ESRRG: variants seen among roughly 807,000 people sequenced by gnomAD.
The protein encoded by ESRRG is estrogen related receptor gamma.
Under a neutral mutation model 44.0 loss-of-function variants are expected in ESRRG, and 13 were observed. That is an observed-to-expected ratio of 0.30 (90% CI 0.19 to 0.47). The LOEUF (loss-of-function observed/expected upper bound fraction) is 0.47, where lower values mean the gene tolerates loss of function less well. Among genes scored for constraint, ESRRG ranks in the 20% least tolerant of loss-of-function variants. The probability of loss-of-function intolerance (pLI) is 1.00; values close to 1 mark genes in which losing one functional copy is unlikely to be tolerated. For synonymous variants in ESRRG, 215 were observed against 214.6 expected (o/e 1.00, Z -0.02); for missense variants, 395 against 580.6 (o/e 0.68, Z 3.29).
At chr1:216,522,048 G>C (rs908387038) in intron 5 of ESRRG, among the ~76,000 whole-genome samples, 1 of 151,874 alleles carries the variant, frequency 6.6e-6, no homozygotes, top group African/African-American at 2.4e-5. Flanking sequence ...ACAACATTTC[G>C]CACATTTCTT....
intron 1 of ESRRG, among the ~76,000 whole-genome samples, chr1:217,046,937 A>G (rs1222994238): frequency 6.6e-6 from 1 of 152,160 alleles, no homozygotes; most frequent in African/African-American, 2.4e-5. Context: ...GAAAGAGACA[A>G]AATTATTCCT....
At chr1:217,051,933 A>G (rs1290182964) in intron 1 of ESRRG, among the ~76,000 whole-genome samples, 2 of 150,126 alleles carry the variant, frequency 1.3e-5, no homozygotes, top group African/African-American at 4.9e-5. Flanking sequence ...CCAGATAATT[A>G]TTTATTTATT....
intron 2 of ESRRG, among the ~76,000 whole-genome samples, chr1:216,805,732 TG>T (rs1305660689): frequency 6.6e-6 from 1 of 150,732 alleles, no homozygotes; most frequent in Non-Finnish European, 1.5e-5. Flanking sequence ...GTTTTGTAAT[TG>T]GAAAAAAAAA....
intron 1 of ESRRG, among the ~76,000 whole-genome samples, chr1:217,043,742 T>C (rs188661445): frequency 1.5e-4 from 23 of 152,274 alleles, no homozygotes; most frequent in Non-Finnish European, 2.8e-4. Context: ...TAATGTTCTT[T>C]ATATAGATTG....
intron 2 of ESRRG, among the ~76,000 whole-genome samples, chr1:216,729,114 CA>C (rs1292603187): frequency 6.6e-6 from 1 of 152,114 alleles, no homozygotes; most frequent in Non-Finnish European, 1.5e-5. Flanking sequence ...CCTCAGCTAC[CA>C]AATGGGAATA....
Position 216,966,614 on chromosome 1 carries a change from C to T in ESRRG, c.-105-26941G>A, listed in dbSNP as rs573581653. ...GGATGGCCTTCCTTCCATGCCTTTT[C>T]TTCCATGCCCTTCCCTCATCATGGT... On this transcript the variant is annotated intron_variant, in intron 1 of 7. Coordinates refer to the ESRRG transcript ENST00000359162. 1.0e-4 allele frequency among the ~76,000 whole-genome samples: 15 copies of T among 150,614 alleles called. No homozygotes were observed. In the South Asian group the frequency reaches 3.1e-3, roughly 31 times the overall value.
chr1:217,005,793 T>A (rs1275126393), intron 1 of ESRRG, among the ~76,000 whole-genome samples: 29 of 151,996 alleles, frequency 1.9e-4, no homozygotes, highest in Non-Finnish European at 3.0e-4. Context: ...CTTCTTTTTT[T>A]CTAAGCATTT....
chr1:216,949,309 T>C (rs1275588454), intron 1 of ESRRG, among the ~76,000 whole-genome samples: 2 of 152,204 alleles, frequency 1.3e-5, no homozygotes, highest in African/African-American at 2.4e-5. Context: ...TACTGCAAAA[T>C]AAGTGAAATA....
At chr1:216,900,616 T>C (rs1560037886) in intron 2 of ESRRG, among the ~76,000 whole-genome samples, 1 of 152,176 alleles carries the variant, frequency 6.6e-6, no homozygotes, top group Non-Finnish European at 1.5e-5. Flanking sequence ...CTCAAACTTT[T>C]ATATGAAGAG....
chr1:216,679,622 A>ATTTTTTTTTTTTTTTTT, intron 1 of ESRRG, among the ~76,000 whole-genome samples: 1 of 98,910 alleles, frequency 1.0e-5, no homozygotes. Flanking sequence ...TTAATTTGGA[A>ATTTTTTTTTTTTTTTTT]TTTTTTTTTT....
intron 2 of ESRRG, among the ~76,000 whole-genome samples, chr1:216,818,204 T>C (rs2095199676): frequency 1.3e-5 from 2 of 152,222 alleles, no homozygotes; most frequent in African/African-American, 4.8e-5. Flanking sequence ...TTGTCATTAT[T>C]GATGGGGGGA....
intron 2 of ESRRG, among the ~76,000 whole-genome samples, chr1:216,890,671 C>T (rs954631402): frequency 2.0e-5 from 3 of 152,154 alleles, no homozygotes; most frequent in East Asian, 1.9e-4. Flanking sequence ...ATTGCCCTCA[C>T]CCTGAAAGTG....
At chr1:216,654,757 G>T (rs2070005591) in intron 2 of ESRRG, among the ~76,000 whole-genome samples, 1 of 151,952 alleles carries the variant, frequency 6.6e-6, no homozygotes, top group South Asian at 2.1e-4. Flanking sequence ...GAGGAGTAAA[G>T]TGTGAATAAA....
chr1:216,666,237 C>T (rs1434863964), intron 2 of ESRRG, among the ~76,000 whole-genome samples: 1 of 152,130 alleles, frequency 6.6e-6, no homozygotes, highest in East Asian at 1.9e-4. Context: ...GACAACACAA[C>T]TCTCATCATT....
chr1:217,082,562 T>C (rs1440120918), intron 1 of ESRRG, among the ~76,000 whole-genome samples: 1 of 152,174 alleles, frequency 6.6e-6, no homozygotes, highest in Non-Finnish European at 1.5e-5. Flanking sequence ...AGGGGATACG[T>C]GCACACACTA....
At chr1:216,714,607 A>G in intron 1 of ESRRG, 4 of 959,780 alleles carry the variant, frequency 4.2e-6, no homozygotes, top group Non-Finnish European at 5.0e-6. Context: ...AACCCTCATA[A>G]ATGCTCTAGA....
rs534728631 is a variant in ESRRG, at chr1:216,714,827, G to T, written c.56+8417C>A. On this transcript the variant is annotated intron_variant, in intron 1 of 6. Transcript: ENST00000408911. The stretch of plus-strand genomic sequence containing the variant: ...TAAAAAATGCTTAAACTAGGTCATG[G>T]CTCATACGAATTGAAAGACACACCT... Among the ~76,000 whole-genome samples, 10 of 152,196 alleles carry T rather than the reference G, an allele frequency of 6.6e-5. No individual in the cohort carries two copies. The East Asian group carries it at 1.9e-3, about 29-fold the overall frequency.
At chr1:216,865,627 C>T (rs1211877017) in intron 2 of ESRRG, among the ~76,000 whole-genome samples, 1 of 152,142 alleles carries the variant, frequency 6.6e-6, no homozygotes, top group Non-Finnish European at 1.5e-5. Context: ...ACTTGTTTAG[C>T]ACTTGGAACA....
chr1:217,047,940 G>GGAA (rs1008170008), intron 1 of ESRRG, among the ~76,000 whole-genome samples: 1 of 152,190 alleles, frequency 6.6e-6, no homozygotes, highest in Non-Finnish European at 1.5e-5. Context: ...ACGGTATCGG[G>GGAA]GAAGAAGAAG....
Sources: allele counts gnomAD v4.1 joint callset (sites outside exome capture counted in the v4.1 genomes callset), GRCh38; gene constraint gnomAD v4.1.1; transcripts MANE v1.5; gene names NCBI Gene and HGNC (gene_info 2026-07-23, HGNC 2026-07-21).